The following ZNF131 variants were observed in gnomAD, a reference collection of about 807,000 sequenced individuals.
ZNF131 encodes the protein zinc finger and BTB domain containing 35.
ZNF131 carries 7 observed loss-of-function variants against 60.0 expected under a neutral mutation model. That is an observed-to-expected ratio of 0.12 (90% CI 0.07 to 0.22). ZNF131 has a LOEUF of 0.22. Ranked by LOEUF, ZNF131 falls within the 10% of genes least tolerant of loss-of-function variation. The pLI is 1.00. For synonymous variants in ZNF131, 257 were observed against 253.2 expected (o/e 1.01, Z -0.14); for missense variants, 493 against 740.9 (o/e 0.67, Z 3.88).
In ZNF131 at chr5:43,175,494, C is replaced by A. The variant is rs751806460; in HGVS notation, c.*361C>A. ...TCAAATTTTTTCCATATTGTAAAAT[C>A]AAACTTAAATCATTAGAATACAAGT... On this transcript the variant is annotated 3_prime_UTR_variant, in exon 7 of 7. Coordinates refer to ENST00000682664, the MANE Select transcript of ZNF131 (RefSeq NM_001330707.2). 1.4e-5 allele frequency: 10 copies of A among 698,892 alleles called. No homozygotes were observed. The South Asian group carries it at 1.5e-4, about 11-fold the overall frequency. 43.3% of individuals were successfully genotyped at this position (698,892 alleles called of 1,614,324 possible). A position where few individuals can be genotyped will look rare whatever the true frequency, so the allele number is the denominator to read the frequency against.
chr5:43,160,678 CTTTTTTTTTTTT>C (rs71608692), intron 4 of ZNF131, among the ~76,000 whole-genome samples: 1 of 93,032 alleles, frequency 1.1e-5, no homozygotes, highest in African/African-American at 4.0e-5. Flanking sequence ...TAGCTTGGAA[CTTTTTTTTTTTT>C]TTTTTTTTTT....
chr5:43,130,585 A>G (rs960824435), intron 3 of ZNF131, among the ~76,000 whole-genome samples: 25 of 151,832 alleles, frequency 1.6e-4, no homozygotes, highest in African/African-American at 5.8e-4. Flanking sequence ...TTTTTTTGAG[A>G]CAGCGTTTTG....
At chr5:43,168,531 G>T (rs1750624948) in intron 5 of ZNF131, among the ~76,000 whole-genome samples, 1 of 152,190 alleles carries the variant, frequency 6.6e-6, no homozygotes. Flanking sequence ...AGTGGAGTAA[G>T]GGTAAGAAAG....
At chr5:43,151,107 GT>G (rs1347210151) in intron 4 of ZNF131, among the ~76,000 whole-genome samples, 7 of 152,112 alleles carry the variant, frequency 4.6e-5, no homozygotes, top group African/African-American at 1.7e-4. Flanking sequence ...ACTAGGGCAA[GT>G]TTTTCATTCA....
intron 3 of ZNF131, 123 bp from the exon 4 acceptor site, chr5:43,139,042 A>G: frequency 1.2e-6 from 1 of 853,460 alleles, no homozygotes; most frequent in African/African-American, 1.8e-5. Flanking sequence ...GAATTTTTCC[A>G]GAAAATAGTT....
chr5:43,146,887 C>T, intron 4 of ZNF131, among the ~76,000 whole-genome samples: 1 of 152,038 alleles, frequency 6.6e-6, no homozygotes, highest in East Asian at 1.9e-4. Context: ...ACATGGATGA[C>T]AGAAACTCCA....
At chr5:43,172,388 A>G (rs895662850) in intron 5 of ZNF131, among the ~76,000 whole-genome samples, 10 of 152,312 alleles carry the variant, frequency 6.6e-5, no homozygotes, top group African/African-American at 2.2e-4. Context: ...TGGGAGGCCA[A>G]GGCAGGCAGA....
At chr5:43,134,304 C>T (rs1745735933) in intron 3 of ZNF131, among the ~76,000 whole-genome samples, 1 of 151,986 alleles carries the variant, frequency 6.6e-6, no homozygotes, top group South Asian at 2.1e-4. Flanking sequence ...GAAGAAAAAG[C>T]CTTGGACAAA....
At chr5:43,159,521 C>T (rs923417598) in intron 4 of ZNF131, among the ~76,000 whole-genome samples, 1 of 151,756 alleles carries the variant, frequency 6.6e-6, no homozygotes, top group Non-Finnish European at 1.5e-5. Flanking sequence ...TGGTGAGACC[C>T]CGTCTCTACT....
rs35596507 is a variant in ZNF131, at chr5:43,153,463, T to TAAAAAA, written c.372-7765_372-7760dup. Reference sequence around the variant, plus strand: ...CAACATGGTGAACTCCCATCTCTACTAAAAAAAAAAAAAAAAAAAAAAAAA... The same window carrying TAAAAAA: ...CAACATGGTGAACTCCCATCTCTACTAAAAAAAAAAAAAAAAAAAAAAAAAAAAAAA... On this transcript the variant is annotated intron_variant, in intron 4 of 6. Coordinates refer to ENST00000682664, the MANE Select transcript of ZNF131 (RefSeq NM_001330707.2). Among the ~76,000 whole-genome samples the TAAAAAA allele has an allele frequency of 9.0e-4, 55 of 61,168 alleles. 1 individual carries two copies. Among genetic ancestry groups the TAAAAAA allele is most frequent in the African/African-American group, 3.8e-3 (51 of 13,354 alleles). 40.1% of individuals were successfully genotyped at this position (61,168 alleles called of 152,430 possible).
At chr5:43,144,284 G>T (rs1411863333) in intron 4 of ZNF131, among the ~76,000 whole-genome samples, 4 of 96,416 alleles carry the variant, frequency 4.1e-5, no homozygotes, top group African/African-American at 1.2e-4. Flanking sequence ...AGAGCTTTGT[G>T]TTGGCACGAT....
In ZNF131 at chr5:43,161,428, T is replaced by G; in HGVS notation, c.551T>G (p.Ile184Ser). 2 of 1,614,230 alleles carry G rather than the reference T, an allele frequency of 1.2e-6. No homozygotes were observed. The highest frequency in any genetic ancestry group is 1.7e-6 in the Non-Finnish European group (2 of 1,180,038). ...ACCATTGAAGTGGAAGATGAAGGCA[T>G]CGAAACATTAGAGGAAGTGGCTTCT... ...EGTIEVEDEG[I>S]ETLEEVASAK... Residue 184 changes from isoleucine (I) to serine (S), a missense_variant, in exon 5 of 7, where the codon ATC (isoleucine) becomes AGC (serine). Physicochemically the swap from Ile to Ser is moderately radical, Grantham distance 142. Transcript: ENST00000682664.
intron 3 of ZNF131, among the ~76,000 whole-genome samples, chr5:43,131,361 A>G (rs1288330802): frequency 6.9e-6 from 1 of 143,904 alleles, no homozygotes; most frequent in East Asian, 2.1e-4. Flanking sequence ...TTTAGGAGAA[A>G]TGGGTTTCAC....
intron 3 of ZNF131, among the ~76,000 whole-genome samples, chr5:43,138,918 T>C (rs955408316): frequency 1.3e-5 from 2 of 152,168 alleles, no homozygotes; most frequent in African/African-American, 4.8e-5. Context: ...ATTCATATAT[T>C]TGAGTGATAG....
chr5:43,173,159 T>TGGAA, intron 5 of ZNF131, 159 bp from the exon 6 acceptor site: 1 of 715,600 alleles, frequency 1.4e-6, no homozygotes, highest in South Asian at 3.0e-5. Context: ...TCTAGAAAAG[T>TGGAA]CTTTGGAATA....
intron 4 of ZNF131, among the ~76,000 whole-genome samples, chr5:43,143,675 A>G (rs1468324567): frequency 6.6e-6 from 1 of 152,106 alleles, no homozygotes; most frequent in African/African-American, 2.4e-5. Context: ...AATTTTCTTA[A>G]AAGTCTTAAA....
chr5:43,151,097 A>G (rs938218350), intron 4 of ZNF131, among the ~76,000 whole-genome samples: 3 of 151,976 alleles, frequency 2.0e-5, no homozygotes, highest in Admixed American at 1.3e-4. Flanking sequence ...GAGGATGTCT[A>G]CTAGGGCAAG....
At chr5:43,141,345 A>T (rs2112270950) in intron 4 of ZNF131, among the ~76,000 whole-genome samples, 1 of 152,228 alleles carries the variant, frequency 6.6e-6, no homozygotes, top group East Asian at 1.9e-4. Flanking sequence ...GATTAAAGGA[A>T]ATATATATGG....
At position 43,174,579 on chromosome 5, in the gene ZNF131, A is replaced by T; in HGVS notation, c.1318A>T (p.Ser440Cys). ...MQGNELRRHL[S>C]DAHNISERLV... ...AGGAAATGAATTAAGGAGGCATCTC[A>T]GTGATGCTCACAATATTTCAGAGCG... The change falls in exon 7 of 7, where the codon AGT (serine) becomes TGT (cysteine). Residue 440 changes from serine to cysteine, a missense_variant. By Grantham distance (112) the Ser-to-Cys change is moderately radical (BLOSUM62 -1). Transcript: ENST00000682664. 6.2e-7 allele frequency: 1 copy of T among 1,612,464 alleles called. No individual in the cohort carries two copies. The highest frequency in any genetic ancestry group is 8.5e-7 in the Non-Finnish European group (1 of 1,179,148).
Sources: allele counts gnomAD v4.1 joint callset (sites outside exome capture counted in the v4.1 genomes callset), GRCh38; gene constraint gnomAD v4.1.1; transcripts MANE v1.5; gene names NCBI Gene and HGNC (gene_info 2026-07-23, HGNC 2026-07-21).